Variants in ST6GAL1 observed in about 807,000 individuals in gnomAD.
ST6GAL1 encodes the protein beta-galactoside alpha-2,6-sialyltransferase 1.
In ST6GAL1, 20 loss-of-function variants were observed where a neutral mutation model predicts 38.0. The observed-to-expected ratio is 0.53, with a 90% confidence interval of 0.37 to 0.77. ST6GAL1 has a LOEUF of 0.77. Among genes scored for constraint, ST6GAL1 ranks in the 30% least tolerant of loss-of-function variants. The pLI, the probability that ST6GAL1 is intolerant of heterozygous loss-of-function variation, is 0.00. For synonymous variants in ST6GAL1, 196 were observed against 188.2 expected (o/e 1.04, Z -0.34); for missense variants, 432 against 496.4 (o/e 0.87, Z 1.23).
At chr3:186,937,686 A>G (rs1407971188) in intron 1 of ST6GAL1, among the ~76,000 whole-genome samples, 1 of 152,162 alleles carries the variant, frequency 6.6e-6, no homozygotes, top group Non-Finnish European at 1.5e-5. Context: ...GTCACCAATG[A>G]CTGGAGCAGT....
chr3:186,972,225 T>C (rs1399919358), intron 2 of ST6GAL1, among the ~76,000 whole-genome samples: 1 of 151,978 alleles, frequency 6.6e-6, no homozygotes, highest in Admixed American at 6.5e-5. Context: ...GTCATTATGC[T>C]ATGCTACCTG....
chr3:187,046,713 C>T (rs1018255275), intron 4 of ST6GAL1, among the ~76,000 whole-genome samples: 2 of 152,172 alleles, frequency 1.3e-5, no homozygotes, highest in Admixed American at 6.5e-5. Context: ...CACCTGTGAA[C>T]TGAGTAGCTT....
At chr3:187,056,039 C>T (rs138821384) in intron 5 of ST6GAL1, among the ~76,000 whole-genome samples, 2,590 of 152,198 alleles carry the variant, frequency 0.017, 81 homozygotes, top group African/African-American at 0.058. Context: ...CTTGTTCAAT[C>T]GATCCCTTTA....
intron 2 of ST6GAL1, among the ~76,000 whole-genome samples, chr3:187,030,138 A>G (rs1039624141): frequency 6.6e-6 from 1 of 152,222 alleles, no homozygotes; most frequent in Non-Finnish European, 1.5e-5. Context: ...ACAAGGAGTT[A>G]TGATAGAAAC....
At chr3:187,001,930 T>C (rs908267917) in intron 2 of ST6GAL1, among the ~76,000 whole-genome samples, 4 of 145,632 alleles carry the variant, frequency 2.7e-5, no homozygotes, top group African/African-American at 1.0e-4. Context: ...CACTCCAGCC[T>C]GGACAACAGA....
At chr3:187,039,496 CGGAAGGGGAGG>C (rs1718055919) in intron 3 of ST6GAL1, among the ~76,000 whole-genome samples, 1 of 152,088 alleles carries the variant, frequency 6.6e-6, no homozygotes, top group South Asian at 2.1e-4. Flanking sequence ...AGGGATAGTG[CGGAAGGGGAGG>C]TGGCCTCCAC....
At chr3:186,975,342 T>G (rs1033937657) in intron 2 of ST6GAL1, among the ~76,000 whole-genome samples, 13 of 152,208 alleles carry the variant, frequency 8.5e-5, no homozygotes, top group African/African-American at 2.9e-4. Flanking sequence ...TTCAGGAGAT[T>G]AATCTTTTGT....
chr3:187,068,772 T>C (rs929300833), intron 5 of ST6GAL1, among the ~76,000 whole-genome samples: 1 of 152,140 alleles, frequency 6.6e-6, no homozygotes, highest in African/African-American at 2.4e-5. Flanking sequence ...TCCTCATGAG[T>C]ATGTATATAT....
rs80079046 is a variant in ST6GAL1 at position 187,018,000 on chromosome 3, A to G, written c.-182-20742A>G. Among the ~76,000 whole-genome samples, 851 of 152,160 alleles carry G rather than the reference A, an allele frequency of 5.6e-3. 8 individuals carry two copies. Among genetic ancestry groups the G allele is most frequent in the African/African-American group, 0.019 (804 of 41,510 alleles). On this transcript the variant is annotated intron_variant, in intron 2 of 7. Transcript: ENST00000169298. Reference sequence around the variant, plus strand: ...TGTTGCCATTTGGTTCTCCTTTGCAACTTAGCATGTGAGAATTCCGGGCAG... The same window carrying G: ...TGTTGCCATTTGGTTCTCCTTTGCAGCTTAGCATGTGAGAATTCCGGGCAG...
chr3:187,012,447 G>A (rs928519147), intron 2 of ST6GAL1, among the ~76,000 whole-genome samples: 1 of 152,100 alleles, frequency 6.6e-6, no homozygotes. Context: ...CAGTACAGAC[G>A]GGGTTTCAAT....
chr3:187,039,054 G>C (rs985357023), intron 3 of ST6GAL1, among the ~76,000 whole-genome samples, 181 bp downstream of exon 3: 4 of 152,184 alleles, frequency 2.6e-5, no homozygotes, highest in Admixed American at 6.5e-5. Flanking sequence ...TTTCATTGGG[G>C]GGTGTAGAGA....
intron 2 of ST6GAL1, among the ~76,000 whole-genome samples, chr3:187,030,784 A>G (rs994632085): frequency 2.0e-5 from 3 of 152,176 alleles, no homozygotes; most frequent in African/African-American, 7.2e-5. Flanking sequence ...TAACTTTAAT[A>G]TATTTCTAAG....
At chr3:186,959,341 C>G (rs1714856723) in intron 1 of ST6GAL1, among the ~76,000 whole-genome samples, 1 of 151,686 alleles carries the variant, frequency 6.6e-6, no homozygotes, top group South Asian at 2.1e-4. Flanking sequence ...CTCTGGGAGG[C>G]AGCTTTGTGT....
intron 5 of ST6GAL1, among the ~76,000 whole-genome samples, chr3:187,066,113 C>T (rs751140941): frequency 1.6e-4 from 25 of 152,158 alleles, no homozygotes; most frequent in African/African-American, 3.9e-4. Context: ...CCATCAACAA[C>T]GGGTCTAAAA....
chr3:187,017,947 G>A (rs9852850), intron 2 of ST6GAL1, among the ~76,000 whole-genome samples: 58,821 of 151,954 alleles, frequency 0.39, 11,454 homozygotes, highest in Middle Eastern at 0.46. Context: ...CCTTATCTTC[G>A]GTATTTCAGT....
At chr3:187,053,580 G>C (rs992306907) in intron 5 of ST6GAL1, among the ~76,000 whole-genome samples, 10 of 152,142 alleles carry the variant, frequency 6.6e-5, no homozygotes, top group African/African-American at 7.2e-5. Context: ...TCTTGTTTTT[G>C]TCAGGTTTGT....
chr3:186,977,667 G>A (rs928958555), intron 2 of ST6GAL1, among the ~76,000 whole-genome samples: 11 of 152,254 alleles, frequency 7.2e-5, no homozygotes, highest in Admixed American at 2.0e-4. Flanking sequence ...TCCTCTGAGC[G>A]CCTCAGGAGG....
chr3:186,987,186 G>A (rs555300427), intron 2 of ST6GAL1, among the ~76,000 whole-genome samples: 6 of 122,160 alleles, frequency 4.9e-5, no homozygotes, highest in African/African-American at 6.9e-5. Context: ...GAGACAGGGA[G>A]GGAGGGAGGG....
At chr3:187,061,696 A>G (rs1718920759) in intron 5 of ST6GAL1, among the ~76,000 whole-genome samples, 2 of 152,184 alleles carry the variant, frequency 1.3e-5, no homozygotes, top group African/African-American at 4.8e-5. Flanking sequence ...ACCCTTACCT[A>G]ACACCAAAAA....
Sources: allele counts gnomAD v4.1 joint callset (sites outside exome capture counted in the v4.1 genomes callset), GRCh38; gene constraint gnomAD v4.1.1; transcripts MANE v1.5; gene names NCBI Gene and HGNC (gene_info 2026-07-23, HGNC 2026-07-21).